The following OPHN1 variants were observed in gnomAD, a reference collection of about 807,000 sequenced individuals.
The protein encoded by OPHN1 is oligophrenin-1.
A neutral mutation model predicts 60.7 loss-of-function variants in OPHN1; 11 were observed. The ratio of observed to expected loss-of-function variants is 0.18; its 90% CI spans 0.11 to 0.30. The LOEUF (loss-of-function observed/expected upper bound fraction) is 0.30. Among genes scored for constraint, OPHN1 ranks in the 10% least tolerant of loss-of-function variants. The pLI, the probability that OPHN1 is intolerant of heterozygous loss-of-function variation, is 1.00. For missense variants in OPHN1, 449 were observed against 611.0 expected (o/e 0.73, Z 2.80); for synonymous variants, 226 against 222.6 (o/e 1.02, Z -0.14).
rs1283276543 is a variant in OPHN1 at position 68,236,371 on chromosome X, A to G, written c.385-1783T>C. Among the ~76,000 whole-genome samples, 40 of 112,253 alleles carry G rather than the reference A, an allele frequency of 3.6e-4. 1 individual carries two copies. In the Admixed American group the frequency reaches 3.8e-3, roughly 11 times the overall value. On this transcript the variant is annotated intron_variant, in intron 5 of 24. Coordinates refer to ENST00000355520, the MANE Select transcript of OPHN1 (RefSeq NM_002547.3). ...ATTCTGTGGAATACTTTCTCCTTCAAATTCAATTTTTAAATTAAAAACTGA... is the reference window on the plus strand; with the variant it reads ...ATTCTGTGGAATACTTTCTCCTTCAGATTCAATTTTTAAATTAAAAACTGA...
chrX:68,338,012 C>CT (rs990678278), intron 2 of OPHN1, among the ~76,000 whole-genome samples: 2 of 110,117 alleles, frequency 1.8e-5, no homozygotes, highest in Non-Finnish European at 3.8e-5. Flanking sequence ...GATTCACTTT[C>CT]TTTTTTTTTA....
At chrX:68,249,816 TCAG>T (rs1225100070) in intron 5 of OPHN1, among the ~76,000 whole-genome samples, 2 of 111,868 alleles carry the variant, frequency 1.8e-5, no homozygotes, top group African/African-American at 6.5e-5. Context: ...ACGCTTCTTG[TCAG>T]CAGGACATGG....
chrX:68,234,866 G>A (rs1381096688), intron 5 of OPHN1, among the ~76,000 whole-genome samples: 2 of 111,966 alleles, frequency 1.8e-5, no homozygotes, highest in African/African-American at 6.5e-5. Flanking sequence ...ACCTTAAAAG[G>A]GCCTGTGCAG....
Position 68,240,143 on chromosome X carries a change from C to G in OPHN1, c.385-5555G>C, listed in dbSNP as rs112095060. Among the ~76,000 whole-genome samples the G allele has an allele frequency of 7.6e-3, 848 of 112,254 alleles. 6 individuals carry two copies. Among genetic ancestry groups the G allele is most frequent in the Middle Eastern group, 0.019 (4 of 213 alleles). ...ATTCTAACAGTATTAGTGGGGCTCT[C>G]CAGTACTGGGTTAAACAATAGTAGA... On this transcript the variant is annotated intron_variant, in intron 5 of 24. Transcript: ENST00000355520.
intron 6 of OPHN1, among the ~76,000 whole-genome samples, chrX:68,214,900 G>C (rs1349022281): frequency 9.0e-6 from 1 of 111,634 alleles, no homozygotes; most frequent in Non-Finnish European, 1.9e-5. Flanking sequence ...CAGAAGCTGA[G>C]GCACGAGGCT....
chrX:68,236,721 G>A (rs961578938), intron 5 of OPHN1, among the ~76,000 whole-genome samples: 12 of 111,460 alleles, frequency 1.1e-4, no homozygotes, highest in Admixed American at 3.8e-4. Flanking sequence ...AGCATGTATC[G>A]GTACTCCACT....
intron 2 of OPHN1, among the ~76,000 whole-genome samples, chrX:68,406,796 A>G (rs1312084814): frequency 8.9e-6 from 1 of 112,679 alleles, no homozygotes. Flanking sequence ...CAAATAGAGC[A>G]AAATATTTTT....
intron 15 of OPHN1, among the ~76,000 whole-genome samples, chrX:68,144,307 G>A (rs1017824614): frequency 5.4e-5 from 6 of 110,636 alleles, no homozygotes; most frequent in Admixed American, 9.7e-5. Context: ...TGGGATTATC[G>A]ACCACGATTT....
chrX:68,303,156 T>C (rs1326906849), intron 2 of OPHN1, among the ~76,000 whole-genome samples: 1 of 111,793 alleles, frequency 8.9e-6, no homozygotes, highest in Non-Finnish European at 1.9e-5. Context: ...AAACAATCTA[T>C]ACTTCAGTGC....
At chrX:68,254,981 C>T (rs2077854639) in intron 5 of OPHN1, among the ~76,000 whole-genome samples, 1 of 102,072 alleles carries the variant, frequency 9.8e-6, no homozygotes, top group African/African-American at 3.6e-5. Context: ...GACTGCACCA[C>T]TCCAGACTGG....
chrX:68,406,787 A>C (rs1375781972), intron 2 of OPHN1, among the ~76,000 whole-genome samples: 1 of 112,688 alleles, frequency 8.9e-6, no homozygotes, highest in East Asian at 2.8e-4. Flanking sequence ...AGAATAAGAC[A>C]AATAGAGCAA....
chrX:68,323,393 G>A (rs550034329), intron 2 of OPHN1, among the ~76,000 whole-genome samples: 2 of 111,419 alleles, frequency 1.8e-5, no homozygotes, highest in East Asian at 2.8e-4. Flanking sequence ...CACCTTGTAA[G>A]AGAGCTGTTG....
chrX:68,082,626 T>C (rs767219683), intron 19 of OPHN1, among the ~76,000 whole-genome samples: 30 of 112,547 alleles, frequency 2.7e-4, no homozygotes, highest in Admixed American at 1.6e-3. Context: ...AAATATTCAG[T>C]AAAACATTCT....
intron 15 of OPHN1, among the ~76,000 whole-genome samples, chrX:68,180,701 G>A (rs2077432646): frequency 8.9e-6 from 1 of 111,840 alleles, no homozygotes; most frequent in Non-Finnish European, 1.9e-5. Flanking sequence ...CAGGCATACA[G>A]TTTACCACCC....
intron 2 of OPHN1, among the ~76,000 whole-genome samples, chrX:68,333,672 CACACACACACACACA>C (rs1252689654): frequency 2.9e-5 from 3 of 103,049 alleles, no homozygotes; most frequent in African/African-American, 1.2e-4. Context: ...CGCGTGCGTG[CACACACACACACACA>C]GACACACACA....
At chrX:68,402,011 C>T (rs1274215897) in intron 2 of OPHN1, among the ~76,000 whole-genome samples, 1 of 111,747 alleles carries the variant, frequency 8.9e-6, no homozygotes, top group African/African-American at 3.2e-5. Context: ...CTGAAGGTTT[C>T]TGAACAGGAA....
Position 68,433,358 on chromosome X carries a change from C to T in OPHN1, c.-195G>A, listed in dbSNP as rs1485528204. 1.0e-5 allele frequency: 3 copies of T among 301,146 alleles called. No individual in the cohort carries two copies. The highest frequency in any genetic ancestry group is 8.0e-5 in the African/African-American group (3 of 37,606). The allele number at this position is 301,146 out of a possible 1,213,427, so 24.8% of individuals were successfully genotyped here. On this transcript the variant is annotated 5_prime_UTR_variant, in exon 1 of 25. Coordinates refer to ENST00000355520, the MANE Select transcript of OPHN1 (RefSeq NM_002547.3). ...CAAAAACCGCAGCCCGACTTGCCTCCGGAGACGGGCCGGATCCTTCCTGAG... is the reference window on the plus strand; with the variant it reads ...CAAAAACCGCAGCCCGACTTGCCTCTGGAGACGGGCCGGATCCTTCCTGAG...
At chrX:68,288,777 A>G (rs911118976) in intron 3 of OPHN1, among the ~76,000 whole-genome samples, 1 of 111,424 alleles carries the variant, frequency 9.0e-6, no homozygotes, top group African/African-American at 3.3e-5. Flanking sequence ...AAAGAAAAAG[A>G]AAAAGAAAAA....
At chrX:68,412,068 A>G (rs1394566109) in intron 2 of OPHN1, among the ~76,000 whole-genome samples, 1 of 111,471 alleles carries the variant, frequency 9.0e-6, no homozygotes, top group Non-Finnish European at 1.9e-5. Flanking sequence ...CTTCACAGGC[A>G]GAGCCCTCAG....
Sources: gnomAD v4.1 joint callset for allele counts (sites outside exome capture counted in the v4.1 genomes callset) on GRCh38, gnomAD v4.1.1 for gene constraint, MANE v1.5 for transcripts, NCBI Gene and HGNC (gene_info 2026-07-23, HGNC 2026-07-21) for gene names.